The following IGSF10 variants were observed in gnomAD, a reference collection of about 807,000 sequenced individuals.
IGSF10 encodes the protein immunoglobulin superfamily member 10.
IGSF10 carries 126 observed loss-of-function variants against 128.2 expected under a neutral mutation model. The ratio of observed to expected loss-of-function variants is 0.98; its 90% confidence interval spans 0.85 to 1.14. The LOEUF (loss-of-function observed/expected upper bound fraction) is 1.14, where lower values mean the gene tolerates loss of function less well. IGSF10 is among the 50% of genes most tolerant of loss of function. The pLI is 0.00. For missense variants in IGSF10, 3,295 were observed against 3,149.8 expected, an observed-to-expected ratio of 1.05 and a Z score of -1.10; for synonymous variants, 1,185 against 1,146.2, an observed-to-expected ratio of 1.03 and a Z score of -0.68.
At chr3:151,472,245 T>TC in the IGSF10 span, among the ~76,000 whole-genome samples, 1 of 152,216 alleles carries the variant, frequency 6.6e-6, no homozygotes, top group Non-Finnish European at 1.5e-5. Flanking sequence ...TAGACTTCAT[T>TC]CAACTGTCAC....
the IGSF10 span, among the ~76,000 whole-genome samples, chr3:151,617,320 C>CTTCTTCTTCTTCTTCTTCTCCTCCTCCT: frequency 1.2e-5 from 1 of 83,630 alleles, no homozygotes; most frequent in African/African-American, 5.2e-5. Context: ...CTTCTTCTTC[C>CTTCTTCTTCTTCTTCTTCTCCTCCTCCT]CCTCCTCCTC....
At chr3:151,523,032 T>C in the IGSF10 span, among the ~76,000 whole-genome samples, 1 of 152,018 alleles carries the variant, frequency 6.6e-6, no homozygotes, top group Admixed American at 6.6e-5. Context: ...AACAGCCAAA[T>C]TGAGAGCAAA....
the IGSF10 span, among the ~76,000 whole-genome samples, chr3:151,579,684 G>C: frequency 6.6e-6 from 1 of 151,920 alleles, no homozygotes; most frequent in Non-Finnish European, 1.5e-5. Flanking sequence ...ATCCCAGAAG[G>C]AGAAAAGAGA....
the IGSF10 span, among the ~76,000 whole-genome samples, chr3:151,482,899 GT>G: frequency 5.8e-5 from 3 of 51,974 alleles, no homozygotes; most frequent in African/African-American, 2.6e-4. Context: ...CAGTCTAAGT[GT>G]TTTTTTGTTT....
In IGSF10 at chr3:151,438,238, T is replaced by C; in HGVS notation, c.6323A>G (p.Lys2108Arg). The C allele has an allele frequency of 6.2e-7, 1 of 1,614,136 alleles. No homozygotes were observed. The highest frequency in any genetic ancestry group is 1.3e-5 in the African/African-American group (1 of 75,016). ...ATCTCCTTCCTCCGCTACCCCAACT[T>C]TGTTGAAGTATAAAGTTCCATTGTT... ...LFNNGTLYFN[K>R]VGVAEEGDYT... The change falls in exon 8 of 8, where the codon AAA becomes AGA. Residue 2108 changes from lysine to arginine, a missense_variant. By Grantham distance (26) the Lys-to-Arg change is conservative. Coordinates refer to ENST00000282466, the MANE Select transcript of IGSF10 (RefSeq NM_178822.5).
the IGSF10 span, among the ~76,000 whole-genome samples, chr3:151,577,118 T>C: frequency 1.4e-4 from 21 of 152,348 alleles, no homozygotes; most frequent in African/African-American, 4.8e-4. Flanking sequence ...CATATATTTA[T>C]GTATATACAA....
chr3:151,563,564 C>T, the IGSF10 span, among the ~76,000 whole-genome samples: 36 of 152,242 alleles, frequency 2.4e-4, no homozygotes, highest in African/African-American at 8.4e-4. Context: ...CTGACAACAA[C>T]TTGCATTTTT....
chr3:151,575,533 G>T, the IGSF10 span, among the ~76,000 whole-genome samples: 1 of 152,232 alleles, frequency 6.6e-6, no homozygotes, highest in Non-Finnish European at 1.5e-5. Context: ...CACTGAGCCA[G>T]GTGCAGGATA....
chr3:151,560,783 G>A, the IGSF10 span, among the ~76,000 whole-genome samples: 1 of 152,130 alleles, frequency 6.6e-6, no homozygotes, highest in South Asian at 2.1e-4. Flanking sequence ...CCAGTTCTTG[G>A]AATTTTAGAC....
the IGSF10 span, among the ~76,000 whole-genome samples, chr3:151,515,447 C>T: frequency 2.5e-5 from 3 of 121,134 alleles, no homozygotes; most frequent in South Asian, 7.8e-4. Context: ...GGAAGGGGAA[C>T]ATCACACACT....
the IGSF10 span, among the ~76,000 whole-genome samples, chr3:151,618,916 G>A: frequency 1.3e-5 from 2 of 150,882 alleles, no homozygotes; most frequent in South Asian, 2.1e-4. Flanking sequence ...GAAGTTTTCC[G>A]AACTTTCAGC....
the IGSF10 span, among the ~76,000 whole-genome samples, chr3:151,546,129 A>T: frequency 6.6e-6 from 1 of 151,818 alleles, no homozygotes; most frequent in African/African-American, 2.4e-5. Context: ...GTGGTTCTCA[A>T]CCTGGGAGCA....
chr3:151,547,358 C>T, the IGSF10 span, among the ~76,000 whole-genome samples: 10 of 151,516 alleles, frequency 6.6e-5, no homozygotes, highest in East Asian at 1.9e-3. Context: ...TTATGTTCTT[C>T]CTGAAGTTAG....
At chr3:151,450,069 G>A (rs1349773193) in intron 5 of IGSF10, among the ~76,000 whole-genome samples, 1 of 152,206 alleles carries the variant, frequency 6.6e-6, no homozygotes, top group East Asian at 1.9e-4. Context: ...TTAAAGGTCT[G>A]ACATTCTGGC....
At chr3:151,461,453 A>T (rs534815562), upstream of IGSF10, 35 of 980,942 alleles carry the variant, frequency 3.6e-5, no homozygotes, top group Non-Finnish European at 4.2e-5. Context: ...TTTTATTTAA[A>T]CCCCTCTTTT....
At chr3:151,582,946 A>G in the IGSF10 span, among the ~76,000 whole-genome samples, 1 of 152,118 alleles carries the variant, frequency 6.6e-6, no homozygotes, top group Non-Finnish European at 1.5e-5. Context: ...AATATTCTTT[A>G]TTCCAGAAAA....
At chr3:151,532,794 A>G in the IGSF10 span, among the ~76,000 whole-genome samples, 1 of 152,210 alleles carries the variant, frequency 6.6e-6, no homozygotes, top group Non-Finnish European at 1.5e-5. Flanking sequence ...TCACACTCCT[A>G]TTCAACATAG....
chr3:151,445,332 G>A lies in IGSF10; in HGVS notation c.4649C>T (p.Thr1550Ile). The change falls in exon 6 of 8, where the codon ACT becomes ATT. Residue 1550 changes from threonine (T) to isoleucine (I), a missense_variant. Coordinates refer to ENST00000282466, the MANE Select transcript of IGSF10 (RefSeq NM_178822.5). ...HFIYSNLLHSTPMPALTTVKS... is the reference protein window; with the variant it reads ...HFIYSNLLHSIPMPALTTVKS... Reference sequence around the variant, plus strand: ...AACTGTTGTTAGTGCTGGCATGGGAGTAGAATGTAACAGATTAGAGTAGAT... The same window carrying A: ...AACTGTTGTTAGTGCTGGCATGGGAATAGAATGTAACAGATTAGAGTAGAT... 6.2e-7 allele frequency: 1 copy of A among 1,614,212 alleles called. No individual in the cohort carries two copies. Among genetic ancestry groups the A allele is most frequent in the Non-Finnish European group, 8.5e-7 (1 of 1,180,028 alleles).
chr3:151,441,788 A>G lies in IGSF10; in HGVS notation c.5963+1196T>C, dbSNP rs146921289. On this transcript the variant is annotated intron_variant, in intron 7 of 7. Transcript: ENST00000282466. The stretch of plus-strand genomic sequence containing the variant: ...TATAAAATGAATATTGAGGCCAGGC[A>G]CGGTGGCTCATGCCTGTAATCCCAG... Among the ~76,000 whole-genome samples the G allele has an allele frequency of 5.5e-3, 841 of 152,326 alleles. 25 individuals are homozygous for G. Among genetic ancestry groups the G allele is most frequent in the Admixed American group, 0.046 (709 of 15,292 alleles).
Sources: allele counts gnomAD v4.1 joint callset (sites outside exome capture counted in the v4.1 genomes callset), GRCh38; gene constraint gnomAD v4.1.1; transcripts MANE v1.5; gene names NCBI Gene and HGNC (gene_info 2026-07-23, HGNC 2026-07-21).